The following BMPR2 variants were observed in gnomAD, a reference collection of about 807,000 sequenced individuals.
The protein encoded by BMPR2 is bone morphogenetic protein receptor type-2.
Under a neutral mutation model 100.8 loss-of-function variants are expected in BMPR2, and 29 were observed. The observed-to-expected ratio is 0.29, with a 90% confidence interval of 0.21 to 0.39. BMPR2 has a LOEUF of 0.39. BMPR2 is among the 10% of genes least tolerant of loss of function. The pLI, the probability that BMPR2 is intolerant of heterozygous loss-of-function variation, is 1.00. For synonymous variants in BMPR2, 382 were observed against 442.3 expected, an observed-to-expected ratio of 0.86 and a Z score of 1.71; for missense variants, 1,011 against 1,274.5, an observed-to-expected ratio of 0.79 and a Z score of 3.15.
chr2:202,512,037 A>G (rs1160565200), intron 3 of BMPR2, among the ~76,000 whole-genome samples: 1 of 152,002 alleles, frequency 6.6e-6, no homozygotes, highest in Admixed American at 6.6e-5. Context: ...AAAAAGAAAG[A>G]AAGAAAAAAG....
chr2:202,484,526 T>C (rs1018939915), intron 3 of BMPR2, among the ~76,000 whole-genome samples: 5 of 147,094 alleles, frequency 3.4e-5, no homozygotes, highest in African/African-American at 1.3e-4. Context: ...TACAAAAAAT[T>C]AGCGGGCTTG....
At chr2:202,400,018 G>T (rs1690737697) in intron 1 of BMPR2, among the ~76,000 whole-genome samples, 1 of 152,092 alleles carries the variant, frequency 6.6e-6, no homozygotes, top group Non-Finnish European at 1.5e-5. Context: ...GCCTGAGGTG[G>T]GAGAATCACT....
intron 1 of BMPR2, among the ~76,000 whole-genome samples, chr2:202,421,849 A>G (rs1283046464): frequency 2.6e-5 from 4 of 152,166 alleles, no homozygotes; most frequent in Admixed American, 2.6e-4. Context: ...AGGAGTACTC[A>G]AGAAATTGAT....
intron 1 of BMPR2, among the ~76,000 whole-genome samples, chr2:202,414,371 C>T (rs1423027824): frequency 2.6e-5 from 4 of 152,194 alleles, no homozygotes; most frequent in Admixed American, 2.6e-4. Flanking sequence ...TTTCCTGAGA[C>T]ACAAATATTG....
At chr2:202,504,800 C>G (rs920562100) in intron 3 of BMPR2, among the ~76,000 whole-genome samples, 2 of 151,712 alleles carry the variant, frequency 1.3e-5, no homozygotes, top group African/African-American at 4.8e-5. Flanking sequence ...CTGCCTCAGC[C>G]TCCCGAGTAG....
chr2:202,506,815 G>T (rs1262284469), intron 3 of BMPR2, among the ~76,000 whole-genome samples: 1 of 152,162 alleles, frequency 6.6e-6, no homozygotes, highest in East Asian at 1.9e-4. Context: ...CAGGAGAATC[G>T]CTTGAACCCA....
intron 3 of BMPR2, among the ~76,000 whole-genome samples, chr2:202,475,867 T>C (rs1004541853): frequency 6.6e-6 from 1 of 151,874 alleles, no homozygotes; most frequent in Admixed American, 6.6e-5. Context: ...GGTCAGGAGT[T>C]TGAGACCAGA....
At position 202,377,325 on chromosome 2, in the gene BMPR2, C is replaced by T. The variant is rs1327976312; in HGVS notation, c.-150C>T. On this transcript the variant is annotated 5_prime_UTR_variant, in exon 1 of 13. Coordinates refer to ENST00000374580, the MANE Select transcript of BMPR2 (RefSeq NM_001204.7). The stretch of plus-strand genomic sequence containing the variant: ...CGGCATGAAAGCTCTGCAGCTAGGT[C>T]CTCTCATCAGCCATTTGTCCTTTCA... 3.9e-6 allele frequency: 3 copies of T among 770,148 alleles called. No homozygotes were observed. The highest frequency in any genetic ancestry group is 1.4e-5 in the South Asian group (1 of 70,584). The allele number at this position is 770,148 out of a possible 1,614,324, so 47.7% of individuals were successfully genotyped here. A position where few individuals can be genotyped will look rare whatever the true frequency, so the allele number is the denominator to read the frequency against.
intron 1 of BMPR2, among the ~76,000 whole-genome samples, chr2:202,464,213 C>T (rs1425678037): frequency 6.7e-6 from 1 of 148,694 alleles, no homozygotes; most frequent in African/African-American, 2.5e-5. Flanking sequence ...TAATTTATAC[C>T]TGAAGTTCAC....
At chr2:202,401,129 A>G (rs1023560449) in intron 1 of BMPR2, among the ~76,000 whole-genome samples, 2 of 152,220 alleles carry the variant, frequency 1.3e-5, no homozygotes, top group African/African-American at 2.4e-5. Context: ...CACTCAGCCT[A>G]TTGAGTATGC....
At chr2:202,526,001 G>T (rs996396006) in intron 7 of BMPR2, among the ~76,000 whole-genome samples, 3 of 151,644 alleles carry the variant, frequency 2.0e-5, no homozygotes, top group East Asian at 3.9e-4. Flanking sequence ...GAGTAGCTGG[G>T]ATTACAGGCA....
chr2:202,518,880 T>C lies in BMPR2; in HGVS notation c.680T>C (p.Val227Ala), dbSNP rs779113077. 6.2e-7 allele frequency: 1 copy of C among 1,614,246 alleles called. No homozygotes were observed. Among genetic ancestry groups the C allele is most frequent in the South Asian group, 1.1e-5 (1 of 91,084 alleles). Residue 227 changes from valine (V) to alanine (A), a missense_variant, in exon 6 of 13, where the codon GTT becomes GCT. Physicochemically the swap from Val to Ala is moderately conservative, Grantham distance 64 (BLOSUM62 0). Transcript: ENST00000374580. ...AAAGGCTCCTTGGATGAGCGTCCAG[T>C]TGCTGTAAAAGTGTTTTCCTTTGCA... ...VYKGSLDERP[V>A]AVKVFSFANR...
At chr2:202,381,951 TACTG>T (rs1690304426) in intron 1 of BMPR2, among the ~76,000 whole-genome samples, 1 of 151,984 alleles carries the variant, frequency 6.6e-6, no homozygotes, top group Non-Finnish European at 1.5e-5. Flanking sequence ...ATTAAAAAAA[TACTG>T]AGTGGAATCT....
intron 1 of BMPR2, among the ~76,000 whole-genome samples, chr2:202,451,328 G>A (rs752973889): frequency 5.0e-4 from 76 of 152,274 alleles, no homozygotes; most frequent in Non-Finnish European, 9.8e-4. Context: ...ACTATATGTT[G>A]TCCTATTCAG....
chr2:202,415,650 AT>A (rs1379027118), intron 1 of BMPR2, among the ~76,000 whole-genome samples: 1 of 152,190 alleles, frequency 6.6e-6, no homozygotes, highest in African/African-American at 2.4e-5. Context: ...TATACTAAAT[AT>A]GCTCTGCCTG....
chr2:202,406,541 G>A (rs1439754796), intron 1 of BMPR2, among the ~76,000 whole-genome samples: 1 of 152,222 alleles, frequency 6.6e-6, no homozygotes, highest in Non-Finnish European at 1.5e-5. Flanking sequence ...TCTGGAAAGT[G>A]AATGTAGTTT....
chr2:202,493,835 T>C (rs1309158960), intron 3 of BMPR2, among the ~76,000 whole-genome samples: 1 of 152,200 alleles, frequency 6.6e-6, no homozygotes, highest in African/African-American at 2.4e-5. Context: ...CTTTCATAAT[T>C]CACTCATCGA....
At chr2:202,515,127 T>C in intron 5 of BMPR2, 148 bp downstream of exon 5, 2 of 757,336 alleles carry the variant, frequency 2.6e-6, no homozygotes, top group Non-Finnish European at 4.6e-6. Context: ...TTCTAGGCAC[T>C]AGGAACATAG....
intron 3 of BMPR2, among the ~76,000 whole-genome samples, chr2:202,470,652 T>C (rs1310171403): frequency 6.6e-6 from 1 of 150,900 alleles, no homozygotes; most frequent in Non-Finnish European, 1.5e-5. Flanking sequence ...TAGTCCCAGC[T>C]ACTCGGGAGG....
Sources: gnomAD v4.1 joint callset for allele counts (sites outside exome capture counted in the v4.1 genomes callset) on GRCh38, gnomAD v4.1.1 for gene constraint, MANE v1.5 for transcripts, NCBI Gene and HGNC (gene_info 2026-07-23, HGNC 2026-07-21) for gene names.